DOCK3: variants seen among roughly 807,000 people sequenced by gnomAD.
DOCK3 encodes dedicator of cytokinesis protein 3.
DOCK3 carries 60 observed loss-of-function variants against 265.6 expected under a neutral mutation model. The ratio of observed to expected loss-of-function variants is 0.23; its 90% confidence interval spans 0.18 to 0.28. The LOEUF is 0.28. Ranked by LOEUF, DOCK3 falls within the 10% of genes least tolerant of loss-of-function variation. The pLI is 1.00. For synonymous variants in DOCK3, 881 were observed against 938.0 expected, an observed-to-expected ratio of 0.94 and a Z score of 1.11; for missense variants, 1,981 against 2,594.3, an observed-to-expected ratio of 0.76 and a Z score of 5.14.
At chr3:50,827,409 C>T (rs1450347441) in intron 2 of DOCK3, among the ~76,000 whole-genome samples, 1 of 152,148 alleles carries the variant, frequency 6.6e-6, no homozygotes, top group Non-Finnish European at 1.5e-5. Context: ...TGTGTCCTCA[C>T]ATAGAGGAAG....
chr3:50,918,033 G>C (rs2050221480), intron 4 of DOCK3, among the ~76,000 whole-genome samples: 1 of 152,028 alleles, frequency 6.6e-6, no homozygotes, highest in South Asian at 2.1e-4. Context: ...CCTTATGATA[G>C]TTTGCTGAGA....
intron 9 of DOCK3, among the ~76,000 whole-genome samples, chr3:51,125,125 T>C (rs1310918620): frequency 1.3e-5 from 2 of 151,966 alleles, no homozygotes; most frequent in East Asian, 3.9e-4. Flanking sequence ...CCATTTCAAA[T>C]ATAAATAAAT....
Position 50,940,883 on chromosome 3 carries a change from G to GA in DOCK3, c.315+6815dup, listed in dbSNP as rs539329635. ...ATAGTTGGATATTCATAGGCAAAAG[G>GA]AAAAAAAAACCCTGCCTAAGTATCA... is the stretch of plus-strand genomic sequence containing the variant. On this transcript the variant is annotated intron_variant, in intron 5 of 52. Transcript: ENST00000266037. 1.4e-4 allele frequency among the ~76,000 whole-genome samples: 21 copies of GA among 149,770 alleles called. No individual in the cohort carries two copies. In the East Asian group the frequency reaches 1.9e-3, roughly 14 times the overall value.
intron 4 of DOCK3, among the ~76,000 whole-genome samples, chr3:50,926,253 C>G (rs1024894573): frequency 6.6e-6 from 1 of 152,110 alleles, no homozygotes; most frequent in African/African-American, 2.4e-5. Flanking sequence ...TTTTATATAT[C>G]CATTCTACAT....
chr3:50,906,241 C>G (rs1256213618), intron 4 of DOCK3, among the ~76,000 whole-genome samples: 2 of 152,036 alleles, frequency 1.3e-5, no homozygotes, highest in African/African-American at 4.8e-5. Flanking sequence ...TGCTGTGTCT[C>G]TGTCAGGCTT....
chr3:50,969,921 A>T (rs2077146252), intron 5 of DOCK3, among the ~76,000 whole-genome samples: 1 of 152,060 alleles, frequency 6.6e-6, no homozygotes, highest in South Asian at 2.1e-4. Flanking sequence ...ATACAAAAAA[A>T]CTTAGCTGGG....
At chr3:51,342,370 T>TG (rs1270165455) in intron 38 of DOCK3, among the ~76,000 whole-genome samples, 4 of 152,326 alleles carry the variant, frequency 2.6e-5, no homozygotes, top group African/African-American at 9.6e-5. Context: ...AGGATGCCCA[T>TG]GCTCAGCTCT....
At chr3:51,373,338 A>G (rs912476395) in intron 49 of DOCK3, among the ~76,000 whole-genome samples, 3 of 152,192 alleles carry the variant, frequency 2.0e-5, no homozygotes, top group Non-Finnish European at 4.4e-5. Context: ...TAAACTACCC[A>G]ACTTCACTCA....
At chr3:51,249,888 A>G (rs1036398544) in intron 22 of DOCK3, among the ~76,000 whole-genome samples, 1 of 148,220 alleles carries the variant, frequency 6.7e-6, no homozygotes, top group African/African-American at 2.5e-5. Flanking sequence ...GTCTGTGTAG[A>G]AAGAAGTAGA....
At chr3:50,742,524 A>G (rs1377856261) in intron 1 of DOCK3, among the ~76,000 whole-genome samples, 1 of 151,646 alleles carries the variant, frequency 6.6e-6, no homozygotes, top group East Asian at 1.9e-4. Flanking sequence ...GCTGAAAGCC[A>G]AGGCTCGAGA....
intron 24 of DOCK3, among the ~76,000 whole-genome samples, chr3:51,271,332 G>GT (rs2080482722): frequency 6.6e-6 from 1 of 152,182 alleles, no homozygotes; most frequent in Non-Finnish European, 1.5e-5. Context: ...TAGTTCTGGA[G>GT]GTTAGGAAGT....
chr3:50,948,837 G>A (rs992729590), intron 5 of DOCK3, among the ~76,000 whole-genome samples: 1 of 152,098 alleles, frequency 6.6e-6, no homozygotes, highest in Non-Finnish European at 1.5e-5. Context: ...AAACTCAGAA[G>A]AACAAAGCTG....
chr3:50,722,166 A>G (rs190523903), intron 1 of DOCK3, among the ~76,000 whole-genome samples: 12 of 152,348 alleles, frequency 7.9e-5, no homozygotes, highest in Admixed American at 5.9e-4. Flanking sequence ...GACATTATCA[A>G]GTGCATAGCA....
rs924052569 is a variant in DOCK3, at chr3:50,675,444, AGGTGCGGGTGCG to A, written c.37+159_37+170del. ...CGCGGGGCGAGCGCGGGGTGGGGGC[AGGTGCGGGTGCG>A]GGTGCGGGTGCGGGGGTGGGCGCGG... On this transcript the variant is annotated intron_variant, in intron 1 of 52. Coordinates refer to ENST00000266037, the MANE Select transcript of DOCK3 (RefSeq NM_004947.5). The surrounding 1 kb of genome is among the most constrained non-coding windows in gnomAD (Gnocchi z 6.1). 4.0e-5 allele frequency: 26 copies of A among 650,406 alleles called. No individual in the cohort carries two copies. The highest frequency in any genetic ancestry group is 1.8e-4 in the East Asian group (2 of 10,988). The allele number at this position is 650,406 out of a possible 1,614,324, so 40.3% of individuals were successfully genotyped here.
chr3:51,210,214 A>G (rs1009957661), intron 13 of DOCK3, among the ~76,000 whole-genome samples: 1 of 152,230 alleles, frequency 6.6e-6, no homozygotes, highest in African/African-American at 2.4e-5. Flanking sequence ...CACCAGGTTA[A>G]GATGATGAGT....
intron 7 of DOCK3, among the ~76,000 whole-genome samples, chr3:51,076,662 ACT>A (rs2082067104): frequency 6.6e-6 from 1 of 152,066 alleles, no homozygotes; most frequent in African/African-American, 2.4e-5. Context: ...TATGTTAGAA[ACT>A]CTACTCTAGT....
At chr3:51,336,241 T>G (rs1463514373) in intron 35 of DOCK3, among the ~76,000 whole-genome samples, 2 of 152,166 alleles carry the variant, frequency 1.3e-5, no homozygotes, top group African/African-American at 4.8e-5. Flanking sequence ...TCTTTAACTT[T>G]TGTGTGAATC....
chr3:50,992,047 G>A (rs2078125843), intron 5 of DOCK3, among the ~76,000 whole-genome samples: 1 of 152,172 alleles, frequency 6.6e-6, no homozygotes, highest in Non-Finnish European at 1.5e-5. Context: ...AAAATACTGA[G>A]AACAAATATA....
chr3:50,866,262 A>G (rs898505980), intron 3 of DOCK3, among the ~76,000 whole-genome samples: 2 of 152,112 alleles, frequency 1.3e-5, no homozygotes, highest in Admixed American at 6.5e-5. Flanking sequence ...TGAGGTGGGC[A>G]GATCACGAGG....
Sources: gnomAD v4.1 joint callset for allele counts (sites outside exome capture counted in the v4.1 genomes callset) on GRCh38, gnomAD v4.1.1 for gene constraint, Gnocchi (gnomAD v3.1) non-coding constraint, MANE v1.5 for transcripts, NCBI Gene and HGNC (gene_info 2026-07-23, HGNC 2026-07-21) for gene names.